Variants in DYM observed in about 807,000 individuals in gnomAD.
DYM encodes the protein dymeclin, also known as dyggve-Melchior-Clausen syndrome protein.
A neutral mutation model predicts 93.1 loss-of-function variants in DYM; 78 were observed. The observed-to-expected ratio is 0.84, with a 90% CI of 0.70 to 1.01. The LOEUF (loss-of-function observed/expected upper bound fraction) is 1.01, where lower values mean the gene tolerates loss of function less well. DYM is among the 50% of genes least tolerant of loss of function. DYM has a pLI of 0.00. For missense variants in DYM, 789 were observed against 845.0 expected (o/e 0.93, Z 0.82); for synonymous variants, 321 against 319.7 (o/e 1.00, Z -0.04).
intron 8 of DYM, among the ~76,000 whole-genome samples, chr18:49,325,685 T>A (rs2146685526): frequency 6.6e-6 from 1 of 152,350 alleles, no homozygotes; most frequent in South Asian, 2.1e-4. Flanking sequence ...AAAAAATTTA[T>A]TAATAACTGA....
intron 8 of DYM, among the ~76,000 whole-genome samples, chr18:49,291,488 G>C (rs1051565381): frequency 3.3e-5 from 5 of 152,244 alleles, no homozygotes; most frequent in African/African-American, 1.2e-4. Context: ...TATGGGGGAA[G>C]GGGGGAAATA....
chr18:49,154,224 G>A (rs1395591167), intron 15 of DYM, among the ~76,000 whole-genome samples: 1 of 152,086 alleles, frequency 6.6e-6, no homozygotes, highest in African/African-American at 2.4e-5. Flanking sequence ...GGGATCCTGG[G>A]TTGGGTCCCA....
At position 49,379,693 on chromosome 18, in the gene DYM, C is replaced by T. The variant is rs120074164; in HGVS notation, c.259G>A (p.Glu87Lys). Residue 87 changes from glutamate to lysine, a missense_variant, in exon 4 of 18, where the codon GAA becomes AAA. Physicochemically the swap from Glu to Lys is moderately conservative, Grantham distance 56. Around this residue, in one of 3 missense-constraint regions of DYM, gnomAD observed 450 missense variants for 436.2 expected, o/e 1.03. Coordinates refer to ENST00000675505, the MANE Select transcript of DYM (RefSeq NM_001353214.3). ...LIKVFLSRTK[E>K]LKLSAECQNH... ...TGACATTCTGCTGAAAGTTTTAGTT[C>T]TTTGGTTCTAGAAAGGAAGACCTTA... 1.2e-6 allele frequency: 2 copies of T among 1,613,216 alleles called. No individual in the cohort carries two copies. The highest frequency in any genetic ancestry group is 1.7e-5 in the Admixed American group (1 of 59,992).
chr18:49,220,505 T>C (rs2093303557), intron 13 of DYM, among the ~76,000 whole-genome samples: 1 of 150,708 alleles, frequency 6.6e-6, no homozygotes, highest in Non-Finnish European at 1.5e-5. Context: ...CTTCAAACTA[T>C]ACTACAAGGC....
rs535029667 is a variant in DYM, at chr18:49,335,875, G to A, written c.495-2022C>T. On this transcript the variant is annotated intron_variant, in intron 6 of 17. Coordinates refer to ENST00000675505, the MANE Select transcript of DYM (RefSeq NM_001353214.3). Reference sequence around the variant, plus strand: ...GTCACCTAGGCTGACACCTAGTGGCGCGATCTTGGCTCACTGCAACCTCCA... The same window carrying A: ...GTCACCTAGGCTGACACCTAGTGGCACGATCTTGGCTCACTGCAACCTCCA... Among the ~76,000 whole-genome samples, 54 of 151,758 alleles carry A rather than the reference G, an allele frequency of 3.6e-4. No individual in the cohort carries two copies. In the South Asian group the frequency reaches 9.8e-3, roughly 27 times the overall value.
chr18:49,078,995 C>G (rs1285308054), intron 17 of DYM, among the ~76,000 whole-genome samples: 1 of 152,158 alleles, frequency 6.6e-6, no homozygotes, highest in African/African-American at 2.4e-5. Context: ...TGTTGTTTTT[C>G]TCTTGGTTTT....
intron 17 of DYM, among the ~76,000 whole-genome samples, chr18:49,084,868 A>C (rs1346365499): frequency 6.6e-6 from 1 of 152,220 alleles, no homozygotes; most frequent in East Asian, 1.9e-4. Context: ...ATATACACGC[A>C]GATGGTAAAA....
At chr18:49,347,707 CAA>C (rs2064720245) in intron 6 of DYM, among the ~76,000 whole-genome samples, 2 of 152,008 alleles carry the variant, frequency 1.3e-5, no homozygotes, top group African/African-American at 2.4e-5. Flanking sequence ...TCTGTGAAGA[CAA>C]AATTAAAAAT....
Position 49,267,883 on chromosome 18 carries a change from C to T in DYM, c.1251+4295G>A, listed in dbSNP as rs377628930. Among the ~76,000 whole-genome samples the T allele has an allele frequency of 1.3e-4, 20 of 151,832 alleles. No homozygotes were observed. In the East Asian group the frequency reaches 3.3e-3, roughly 25 times the overall value. On this transcript the variant is annotated intron_variant, in intron 11 of 17. Transcript: ENST00000675505. ...CTGCACTCTGGCCTGGGAGACAAAG[C>T]GAGACTGTGTCTCAAACAAACAAAC...
intron 2 of DYM, among the ~76,000 whole-genome samples, chr18:49,407,358 A>G (rs1380380124): frequency 3.9e-5 from 6 of 152,212 alleles, no homozygotes. Flanking sequence ...TTGCATGGCT[A>G]TAAAGGAATA....
chr18:49,296,901 T>C (rs1391084785), intron 8 of DYM, among the ~76,000 whole-genome samples: 2 of 152,216 alleles, frequency 1.3e-5, no homozygotes, highest in African/African-American at 2.4e-5. Context: ...ATGTGTATTA[T>C]ATATACACAA....
At chr18:49,055,941 TG>T (rs541811743) in intron 17 of DYM, among the ~76,000 whole-genome samples, 402 of 152,222 alleles carry the variant, frequency 2.6e-3, no homozygotes, top group Middle Eastern at 6.8e-3. Context: ...CTGACTCTAA[TG>T]GAACAACGGC....
At chr18:49,301,263 G>C (rs1313371132) in intron 8 of DYM, among the ~76,000 whole-genome samples, 1 of 152,230 alleles carries the variant, frequency 6.6e-6, no homozygotes, top group Non-Finnish European at 1.5e-5. Flanking sequence ...GCTCACGCCT[G>C]TAATCCCAGC....
At chr18:49,086,311 G>A (rs2078522208) in intron 17 of DYM, among the ~76,000 whole-genome samples, 1 of 152,186 alleles carries the variant, frequency 6.6e-6, no homozygotes. Flanking sequence ...ATGGGGAGGG[G>A]GCTAAATGTG....
Position 49,153,705 on chromosome 18 carries a change from C to T in DYM, c.1728+9980G>A, listed in dbSNP as rs183098179. Among the ~76,000 whole-genome samples, 388 of 152,008 alleles carry T rather than the reference C, an allele frequency of 2.6e-3. 2 individuals are homozygous for T. The highest frequency in any genetic ancestry group is 8.8e-3 in the African/African-American group (364 of 41,456). On this transcript the variant is annotated intron_variant, in intron 15 of 17. Transcript: ENST00000675505. ...ATAAATAATTGAATAAGTAAATACA[C>T]GAGGGAGAAGTGACAACTCTTCCTT... is the stretch of plus-strand genomic sequence containing the variant.
At chr18:49,310,416 G>A (rs1357763012) in intron 8 of DYM, among the ~76,000 whole-genome samples, 1 of 152,136 alleles carries the variant, frequency 6.6e-6, no homozygotes, top group Non-Finnish European at 1.5e-5. Flanking sequence ...ATGAGTAACT[G>A]CCAGTATTAC....
At chr18:49,423,031 G>C (rs1308268976) in intron 2 of DYM, among the ~76,000 whole-genome samples, 1 of 152,180 alleles carries the variant, frequency 6.6e-6, no homozygotes, top group Non-Finnish European at 1.5e-5. Context: ...ACTCAGCTCT[G>C]CACCAAGTGG....
At chr18:49,218,030 A>C (rs7233707) in intron 13 of DYM, among the ~76,000 whole-genome samples, 115,500 of 151,600 alleles carry the variant, frequency 0.76, 44,323 homozygotes, top group Non-Finnish European at 0.81. Context: ...CAGAGACACA[A>C]ATAGGCTCAA....
chr18:49,163,008 C>A (rs958977050), intron 15 of DYM, among the ~76,000 whole-genome samples: 2 of 152,224 alleles, frequency 1.3e-5, no homozygotes, highest in Non-Finnish European at 2.9e-5. Flanking sequence ...GGTTCCAGAT[C>A]TCTGGGAAAT....
Sources: allele counts gnomAD v4.1 joint callset (sites outside exome capture counted in the v4.1 genomes callset), GRCh38; gene constraint gnomAD v4.1.1; regional missense constraint gnomAD v4.1.1; transcripts MANE v1.5; gene names NCBI Gene and HGNC (gene_info 2026-07-23, HGNC 2026-07-21).